GYS2: variants seen among roughly 807,000 people sequenced by gnomAD.
GYS2 encodes the protein glycogen [starch] synthase, liver.
GYS2 carries 80 observed loss-of-function variants against 85.6 expected under a neutral mutation model. The observed-to-expected ratio is 0.93, with a 90% CI of 0.78 to 1.13. The LOEUF (loss-of-function observed/expected upper bound fraction) is 1.13. GYS2 is among the 50% of genes most tolerant of loss of function. The pLI is 0.00. For missense variants in GYS2, 881 were observed against 854.9 expected (o/e 1.03, Z -0.38); for synonymous variants, 328 against 300.7 (o/e 1.09, Z -0.94).
chr12:21,576,130 G>A (rs1277420335), intron 2 of GYS2, 73 bp from the exon 3 acceptor site: 9 of 1,216,412 alleles, frequency 7.4e-6, no homozygotes, highest in Non-Finnish European at 8.4e-6. Flanking sequence ...TGCACTCTGA[G>A]GATATAAACT....
At chr12:21,590,010 A>C (rs1944617158) in intron 1 of GYS2, among the ~76,000 whole-genome samples, 1 of 152,014 alleles carries the variant, frequency 6.6e-6, no homozygotes, top group Non-Finnish European at 1.5e-5. Flanking sequence ...GTGTCATTAG[A>C]AGTGGACTCC....
chr12:21,603,870 G>A (rs1944779512), intron 1 of GYS2, among the ~76,000 whole-genome samples: 3 of 152,028 alleles, frequency 2.0e-5, no homozygotes, highest in South Asian at 2.1e-4. Context: ...TACCTCACTC[G>A]CAAATTGTTT....
chr12:21,536,851 G>T lies in GYS2; in HGVS notation c.*103C>A. On this transcript the variant is annotated 3_prime_UTR_variant, in exon 16 of 16. Coordinates refer to ENST00000261195, the MANE Select transcript of GYS2 (RefSeq NM_021957.4). ...TTTTAGGCAGAGAATAAACTCCATTGTAATACTTAGAAGGAGAAAATGAAA... is the reference window on the plus strand; with the variant it reads ...TTTTAGGCAGAGAATAAACTCCATTTTAATACTTAGAAGGAGAAAATGAAA... 4 of 799,742 alleles carry T rather than the reference G, an allele frequency of 5.0e-6. No homozygotes were observed. The highest frequency in any genetic ancestry group is 2.0e-5 in the Admixed American group (1 of 50,266). 49.5% of individuals were successfully genotyped at this position (799,742 alleles called of 1,614,324 possible). A position where few individuals can be genotyped will look rare whatever the true frequency, so the allele number is the denominator to read the frequency against.
At chr12:21,553,656 C>T (rs1565596234) in intron 11 of GYS2, among the ~76,000 whole-genome samples, 1 of 152,180 alleles carries the variant, frequency 6.6e-6, no homozygotes, top group Non-Finnish European at 1.5e-5. Flanking sequence ...CAATCTGAAA[C>T]TATTCTGGTA....
chr12:21,592,770 G>C (rs75054600), intron 1 of GYS2, among the ~76,000 whole-genome samples: 1 of 152,070 alleles, frequency 6.6e-6, no homozygotes, highest in African/African-American at 2.4e-5. Flanking sequence ...ATTTAAACTT[G>C]ACTTTAGACC....
chr12:21,569,032 A>G, intron 4 of GYS2, 23 bp from the exon 5 acceptor site: 1 of 1,613,468 alleles, frequency 6.2e-7, no homozygotes, highest in South Asian at 1.1e-5. Flanking sequence ...AAAATAAAAC[A>G]CACATTTGCT....
At chr12:21,582,326 C>T (rs1469980833) in intron 1 of GYS2, among the ~76,000 whole-genome samples, 1 of 152,132 alleles carries the variant, frequency 6.6e-6, no homozygotes, top group Non-Finnish European at 1.5e-5. Context: ...TGGGCACCAT[C>T]TAATCAGTTG....
intron 2 of GYS2, among the ~76,000 whole-genome samples, chr12:21,576,943 A>T (rs1944453769): frequency 6.6e-6 from 1 of 152,166 alleles, no homozygotes; most frequent in Non-Finnish European, 1.5e-5. Context: ...CTCAATGTGG[A>T]TCCAGGCTTC....
At chr12:21,594,287 G>A (rs898055203) in intron 1 of GYS2, among the ~76,000 whole-genome samples, 1 of 151,960 alleles carries the variant, frequency 6.6e-6, no homozygotes, top group African/African-American at 2.4e-5. Context: ...GAAAAGGCAT[G>A]CAAATAGGAA....
chr12:21,587,642 T>C (rs543957060), intron 1 of GYS2, among the ~76,000 whole-genome samples: 6 of 152,250 alleles, frequency 3.9e-5, no homozygotes, highest in East Asian at 1.9e-4. Flanking sequence ...TTTTTCCTTA[T>C]AAATTACCCA....
chr12:21,587,697 A>T (rs1177873642), intron 1 of GYS2, among the ~76,000 whole-genome samples: 1 of 152,132 alleles, frequency 6.6e-6, no homozygotes, highest in East Asian at 1.9e-4. Flanking sequence ...GAACTAGTAC[A>T]TACCTTCTAA....
chr12:21,559,312 G>GACTTATGT, intron 9 of GYS2, 143 bp from the exon 10 acceptor site: 1 of 587,604 alleles, frequency 1.7e-6, no homozygotes, highest in Admixed American at 3.2e-5. Context: ...TGTTCACATA[G>GACTTATGT]ACTTAATATT....
chr12:21,584,639 C>A (rs1250507626), intron 1 of GYS2, among the ~76,000 whole-genome samples: 1 of 152,178 alleles, frequency 6.6e-6, no homozygotes, highest in Non-Finnish European at 1.5e-5. Flanking sequence ...TGGCACCATT[C>A]CTCGGGGTGA....
chr12:21,558,346 C>A (rs761483253), intron 10 of GYS2, 33 bp from the exon 11 acceptor site: 1 of 1,330,724 alleles, frequency 7.5e-7, no homozygotes, highest in Non-Finnish European at 1.1e-6. Context: ...ATATCAATTG[C>A]GGAAAGAATT....
intron 1 of GYS2, among the ~76,000 whole-genome samples, chr12:21,603,066 C>A (rs1180138346): frequency 6.6e-6 from 1 of 152,004 alleles, no homozygotes; most frequent in African/African-American, 2.4e-5. Context: ...TTCCCAGGAA[C>A]TTTGGGCATA....
chr12:21,559,205 C>A, intron 9 of GYS2, 36 bp from the exon 10 acceptor site: 2 of 1,151,738 alleles, frequency 1.7e-6, no homozygotes, highest in Non-Finnish European at 1.3e-6. Context: ...AAAATAAAAA[C>A]AGCTGGCACT....
At chr12:21,590,384 G>A (rs1218146267) in intron 1 of GYS2, among the ~76,000 whole-genome samples, 2 of 152,110 alleles carry the variant, frequency 1.3e-5, no homozygotes, top group Non-Finnish European at 2.9e-5. Flanking sequence ...ACCATGACTG[G>A]TACCTAAGCA....
Position 21,576,074 on chromosome 12 carries a change from A to G in GYS2, c.304-17T>C, listed in dbSNP as rs3765094. 1,210 of 1,598,316 alleles carry G rather than the reference A, an allele frequency of 7.6e-4. 14 individuals are homozygous for G. In the East Asian group the frequency reaches 0.024, roughly 32 times the overall value. On this transcript the variant is annotated splice_polypyrimidine_tract_variant and intron_variant, in intron 2 of 15. Transcript: ENST00000261195. Reference sequence around the variant, plus strand: ...AAAATGCACCTGTCATATAAAGAACACAGCCATGTAGTGATATTAAGTCAT... The same window carrying G: ...AAAATGCACCTGTCATATAAAGAACGCAGCCATGTAGTGATATTAAGTCAT...
chr12:21,575,250 G>C (rs1944431575), intron 3 of GYS2, among the ~76,000 whole-genome samples: 1 of 152,132 alleles, frequency 6.6e-6, no homozygotes, highest in Non-Finnish European at 1.5e-5. Context: ...CTGAAGATCG[G>C]GGTCTAATTC....
Sources: allele counts gnomAD v4.1 joint callset (sites outside exome capture counted in the v4.1 genomes callset), GRCh38; gene constraint gnomAD v4.1.1; transcripts MANE v1.5; gene names NCBI Gene and HGNC (gene_info 2026-07-23, HGNC 2026-07-21).